Variants in ROR1 observed in about 807,000 individuals in gnomAD.
ROR1 encodes ROR family WNT receptor 1, also known as inactive tyrosine-protein kinase transmembrane receptor ROR1.
ROR1 carries 19 observed loss-of-function variants against 78.8 expected under a neutral mutation model. The observed-to-expected ratio is 0.24, with a 90% CI of 0.17 to 0.35. The LOEUF is 0.35. Ranked by LOEUF, ROR1 falls within the 10% of genes least tolerant of loss-of-function variation. The pLI, the probability that ROR1 is intolerant of heterozygous loss-of-function variation, is 1.00. For synonymous variants in ROR1, 386 were observed against 433.6 expected, an observed-to-expected ratio of 0.89 and a Z score of 1.36; for missense variants, 917 against 1,177.8, an observed-to-expected ratio of 0.78 and a Z score of 3.24.
intron 4 of ROR1, among the ~76,000 whole-genome samples, chr1:64,122,631 C>T (rs1648581540): frequency 6.6e-6 from 1 of 152,124 alleles, no homozygotes; most frequent in South Asian, 2.1e-4. Flanking sequence ...CCCCCATATG[C>T]TAGGATACTG....
At chr1:63,836,502 A>T (rs1239551758) in intron 1 of ROR1, among the ~76,000 whole-genome samples, 2 of 151,922 alleles carry the variant, frequency 1.3e-5, no homozygotes. Flanking sequence ...AGCAGGGGGG[A>T]ATTCTGAGTT....
intron 1 of ROR1, among the ~76,000 whole-genome samples, chr1:63,812,576 G>A (rs1644866928): frequency 6.6e-6 from 1 of 152,178 alleles, no homozygotes; most frequent in South Asian, 2.1e-4. Flanking sequence ...TGTTGGATAT[G>A]TAATTTGACA....
intron 1 of ROR1, among the ~76,000 whole-genome samples, chr1:63,922,950 G>C (rs905098579): frequency 6.6e-6 from 1 of 152,104 alleles, no homozygotes; most frequent in Non-Finnish European, 1.5e-5. Flanking sequence ...AATTAGCAGT[G>C]GCTCTCAGTG....
chr1:64,176,419 C>T (rs957295801), intron 8 of ROR1, among the ~76,000 whole-genome samples: 2 of 152,210 alleles, frequency 1.3e-5, no homozygotes, highest in Non-Finnish European at 1.5e-5. Context: ...GCTTTACAAA[C>T]ATTAACTCAT....
At chr1:64,171,003 T>C (rs1292141500) in intron 8 of ROR1, among the ~76,000 whole-genome samples, 1 of 152,206 alleles carries the variant, frequency 6.6e-6, no homozygotes, top group Non-Finnish European at 1.5e-5. Context: ...TTCCAAACTT[T>C]CCCACATTTT....
intron 1 of ROR1, among the ~76,000 whole-genome samples, chr1:64,001,905 T>C (rs1341120490): frequency 6.6e-6 from 1 of 152,186 alleles, no homozygotes; most frequent in Non-Finnish European, 1.5e-5. Flanking sequence ...TTTCCTTTTC[T>C]TTCCATCTCA....
chr1:64,162,694 C>A (rs1157475634), intron 8 of ROR1, among the ~76,000 whole-genome samples: 1 of 152,180 alleles, frequency 6.6e-6, no homozygotes, highest in Non-Finnish European at 1.5e-5. Flanking sequence ...AGATTTGAAG[C>A]CATTCAATCC....
chr1:63,914,435 G>C (rs185432443), intron 1 of ROR1, among the ~76,000 whole-genome samples: 2 of 152,144 alleles, frequency 1.3e-5, no homozygotes, highest in Non-Finnish European at 2.9e-5. Context: ...ATGCTGCAGG[G>C]TGCTGCTGAG....
chr1:63,864,033 T>A (rs558616594), intron 1 of ROR1, among the ~76,000 whole-genome samples: 4 of 152,202 alleles, frequency 2.6e-5, no homozygotes, highest in Admixed American at 1.3e-4. Flanking sequence ...ATTTGGTGTT[T>A]TCCTGTGTGA....
chr1:63,983,779 C>A (rs1004557604), intron 1 of ROR1, among the ~76,000 whole-genome samples: 2 of 152,106 alleles, frequency 1.3e-5, no homozygotes, highest in African/African-American at 4.8e-5. Context: ...ACCTAACAGG[C>A]ACAGATCTGA....
At chr1:63,864,107 A>G (rs1488341597) in intron 1 of ROR1, among the ~76,000 whole-genome samples, 1 of 152,296 alleles carries the variant, frequency 6.6e-6, no homozygotes, top group African/African-American at 2.4e-5. Flanking sequence ...AGCATTTTGA[A>G]GTAGGCATTA....
intron 7 of ROR1, among the ~76,000 whole-genome samples, chr1:64,149,804 T>C (rs1216011135): frequency 1.3e-5 from 2 of 152,244 alleles, no homozygotes; most frequent in East Asian, 1.9e-4. Flanking sequence ...AACTGGCATC[T>C]AGGCACACTG....
Position 64,029,784 on chromosome 1 carries a change from G to C in ROR1, c.164-19907G>C, listed in dbSNP as rs371134640. On this transcript the variant is annotated intron_variant, in intron 2 of 8. Transcript: ENST00000371079. Reference sequence around the variant, plus strand: ...TCCAAATACAGTCACATCGGGGTTAGGGCTTCAACCCTAACTCCAATATAA... The same window carrying C: ...TCCAAATACAGTCACATCGGGGTTACGGCTTCAACCCTAACTCCAATATAA... Among the ~76,000 whole-genome samples, 11 of 152,272 alleles carry C rather than the reference G, an allele frequency of 7.2e-5. 1 individual carries two copies. The highest frequency in any genetic ancestry group is 1.4e-4 in the African/African-American group (6 of 41,546).
chr1:63,951,866 GA>G (rs963786318), intron 1 of ROR1, among the ~76,000 whole-genome samples: 3 of 152,144 alleles, frequency 2.0e-5, no homozygotes, highest in African/African-American at 7.2e-5. Flanking sequence ...AGAGCCTTAA[GA>G]AAAAAGAAAA....
intron 1 of ROR1, among the ~76,000 whole-genome samples, chr1:63,862,391 C>CCA (rs1645187449): frequency 1.8e-5 from 1 of 56,822 alleles, no homozygotes; most frequent in Non-Finnish European, 3.6e-5. Flanking sequence ...GAGACTGTCT[C>CCA]AAAAAAAAAA....
In ROR1 at chr1:63,995,902, A is replaced by G. The variant is rs114070630; in HGVS notation, c.92-13403A>G. On this transcript the variant is annotated intron_variant, in intron 1 of 8. Coordinates refer to ENST00000371079, the MANE Select transcript of ROR1 (RefSeq NM_005012.4). ...ATTAGCCAAAGCAAGTCTAGATTCAATGGTACAGAAATACACTCCACCTCT... is the reference window on the plus strand; with the variant it reads ...ATTAGCCAAAGCAAGTCTAGATTCAGTGGTACAGAAATACACTCCACCTCT... Among the ~76,000 whole-genome samples, 396 of 152,306 alleles carry G rather than the reference A, an allele frequency of 2.6e-3. 3 individuals are homozygous for G. The highest frequency in any genetic ancestry group is 8.9e-3 in the African/African-American group (370 of 41,562).
chr1:64,037,153 C>A (rs1274440950), intron 2 of ROR1, among the ~76,000 whole-genome samples: 1 of 152,134 alleles, frequency 6.6e-6, no homozygotes, highest in African/African-American at 2.4e-5. Context: ...TCTCAGAGGT[C>A]CTGCCACATG....
chr1:63,949,274 C>G (rs1265094082), intron 1 of ROR1, among the ~76,000 whole-genome samples: 1 of 152,120 alleles, frequency 6.6e-6, no homozygotes, highest in Non-Finnish European at 1.5e-5. Flanking sequence ...TCCTGATTAC[C>G]TATTGCTCCT....
chr1:63,996,181 A>C (rs1646335604), intron 1 of ROR1, among the ~76,000 whole-genome samples: 1 of 152,194 alleles, frequency 6.6e-6, no homozygotes, highest in African/African-American at 2.4e-5. Context: ...ATACAATCTT[A>C]TTAAAAAGAT....
Sources: allele counts gnomAD v4.1 joint callset (sites outside exome capture counted in the v4.1 genomes callset), GRCh38; gene constraint gnomAD v4.1.1; transcripts MANE v1.5; gene names NCBI Gene and HGNC (gene_info 2026-07-23, HGNC 2026-07-21).